The following SIGLEC1 variants were observed in gnomAD, a reference collection of about 807,000 sequenced individuals.
The protein encoded by SIGLEC1 is sialoadhesin.
In SIGLEC1, 132 loss-of-function variants were observed where a neutral mutation model predicts 148.0. The observed-to-expected ratio is 0.89, with a 90% CI of 0.77 to 1.03. The LOEUF (loss-of-function observed/expected upper bound fraction) is 1.03, where lower values mean the gene tolerates loss of function less well. SIGLEC1 is among the 50% of genes least tolerant of loss of function. The probability of loss-of-function intolerance (pLI) is 0.00; values close to 1 mark genes in which losing one functional copy is unlikely to be tolerated. For synonymous variants in SIGLEC1, 945 were observed against 969.0 expected (o/e 0.98, Z 0.46); for missense variants, 2,253 against 2,271.4 (o/e 0.99, Z 0.16).
Position 3,692,996 on chromosome 20 carries a change from G to A in SIGLEC1, c.3644C>T (p.Ser1215Leu), listed in dbSNP as rs146007898. 1.3e-3 allele frequency: 2,085 copies of A among 1,612,308 alleles called. 3 individuals carry two copies. The highest frequency in any genetic ancestry group is 1.6e-3 in the Non-Finnish European group (1,869 of 1,179,802). ...GGTGTTGGGGACAGAGGCTGCTGTC[G>A]AGGAGGCCAAGAGGCGACCGGCGTG... ...LSHAGRLLAS[S>L]TAASVPNTLR... Residue 1215 changes from serine (S) to leucine (L), a missense_variant, in exon 15 of 22, where the codon TCG becomes TTG. Transcript: ENST00000344754.
chr20:3,694,081 G>A (rs763608722), intron 13 of SIGLEC1, 140 bp downstream of exon 13: 22 of 919,798 alleles, frequency 2.4e-5, no homozygotes, highest in Non-Finnish European at 3.2e-5. Context: ...CTCAAGTCTG[G>A]AGTCCACCAT....
chr20:3,695,670 T>G (rs943603956), intron 11 of SIGLEC1, among the ~76,000 whole-genome samples: 7 of 152,146 alleles, frequency 4.6e-5, no homozygotes, highest in African/African-American at 1.7e-4. Context: ...GTATGCTAAG[T>G]AAGAAAAGAT....
chr20:3,688,107 A>T lies in SIGLEC1; in HGVS notation c.*453T>A, dbSNP rs998759382. The T allele has an allele frequency of 1.1e-5, 2 of 189,680 alleles. No individual in the cohort carries two copies. Among genetic ancestry groups the T allele is most frequent in the Non-Finnish European group, 2.2e-5 (2 of 90,750 alleles). The allele number at this position is 189,680 out of a possible 1,614,324, so 11.7% of individuals were successfully genotyped here. ...AGACTAGCGTGGGAGAGAAAAATAA[A>T]ATTCTATCATGTTGAAGTCACTGTA... On this transcript the variant is annotated 3_prime_UTR_variant, in exon 22 of 22. Transcript: ENST00000344754.
Position 3,704,079 on chromosome 20 carries a change from C to T in SIGLEC1, c.719G>A (p.Gly240Asp). The change falls in exon 5 of 22, where the codon GGT (glycine) becomes GAT (aspartate). Residue 240 changes from glycine (G) to aspartate (D), a missense_variant. Gly to Asp is a moderately conservative substitution (Grantham distance 94). Coordinates refer to ENST00000344754, the MANE Select transcript of SIGLEC1 (RefSeq NM_023068.4). ...CGAGGGGCTGAGGAGGATCTTCACA[C>T]CCTTGGGGGCATCTGCAAGTCACAG... ...IHLQVKYAPK[G>D]VKILLSPSGR... 1 of 1,612,474 alleles carries T rather than the reference C, an allele frequency of 6.2e-7. No individual in the cohort carries two copies. Among genetic ancestry groups the T allele is most frequent in the South Asian group, 1.1e-5 (1 of 90,992 alleles).
At chr20:3,701,273 A>G in intron 7 of SIGLEC1, 69 bp downstream of exon 7, 6 of 1,400,522 alleles carry the variant, frequency 4.3e-6, no homozygotes, top group Non-Finnish European at 5.8e-6. Context: ...GACTTCTAGA[A>G]GGAACAGACT....
Position 3,688,627 on chromosome 20 carries a change from C to A in SIGLEC1, c.5071-8G>T. The A allele has an allele frequency of 6.3e-7, 1 of 1,589,196 alleles. No homozygotes were observed. The highest frequency in any genetic ancestry group is 8.6e-7 in the Non-Finnish European group (1 of 1,167,042). ...TGCATCAGGATCAATGAGCTTCCCACAGAGAAAACCCTGGTCACAGGAGGC... is the reference window on the plus strand; with the variant it reads ...TGCATCAGGATCAATGAGCTTCCCAAAGAGAAAACCCTGGTCACAGGAGGC... On this transcript the variant is annotated splice_region_variant and splice_polypyrimidine_tract_variant and intron_variant, in intron 21 of 21. Transcript: ENST00000344754.
chr20:3,707,811 C>A (rs188320205), intron 1 of SIGLEC1, among the ~76,000 whole-genome samples: 1 of 151,884 alleles, frequency 6.6e-6, no homozygotes, highest in Non-Finnish European at 1.5e-5. Context: ...GGGGGCAGTT[C>A]TGTCTGCTCA....
At chr20:3,708,711 A>C (rs2087912325) in intron 1 of SIGLEC1, among the ~76,000 whole-genome samples, 1 of 152,066 alleles carries the variant, frequency 6.6e-6, no homozygotes. Context: ...TGATTGCACC[A>C]CTGCACTCCA....
At chr20:3,704,901 G>GT (rs1159300352) in intron 4 of SIGLEC1, among the ~76,000 whole-genome samples, 3 of 152,240 alleles carry the variant, frequency 2.0e-5, no homozygotes, top group Non-Finnish European at 4.4e-5. Context: ...TGGGGTTACA[G>GT]GTGTGAGCCA....
In SIGLEC1 at chr20:3,696,686, T is replaced by C. The variant is rs1054103607; in HGVS notation, c.2583A>G (p.Leu861=). The change falls in exon 11 of 22, where the codon TTA becomes TTG. Residue 861 remains leucine, a synonymous_variant. Transcript: ENST00000344754. ...CCCCAAGGCCCAGTTCTCGGACCTC[T>C]AACTTCAGGGAGTTGGCCTCAGCTT... is the stretch of plus-strand genomic sequence containing the variant. ...QAKAEANSLK[L]EVRELGLGDS... The C allele has an allele frequency of 1.2e-6, 2 of 1,613,824 alleles. No individual in the cohort carries two copies. The highest frequency in any genetic ancestry group is 1.7e-6 in the Non-Finnish European group (2 of 1,180,014).
Position 3,689,706 on chromosome 20 carries a change from G to A in SIGLEC1, c.4895-4C>T. On this transcript the variant is annotated splice_polypyrimidine_tract_variant and splice_region_variant and intron_variant, in intron 19 of 21. Coordinates refer to ENST00000344754, the MANE Select transcript of SIGLEC1 (RefSeq NM_023068.4). ...AACTGATGCAGGCGGTGCAGGGCTG[G>A]AACACAGAGCGGGACTCAGAGCAGC... 2 of 1,568,602 alleles carry A rather than the reference G, an allele frequency of 1.3e-6. No homozygotes were observed. The highest frequency in any genetic ancestry group is 1.7e-6 in the Non-Finnish European group (2 of 1,156,942).
chr20:3,691,309 G>C (rs767456121), intron 18 of SIGLEC1, 31 bp downstream of exon 18: 1 of 1,610,874 alleles, frequency 6.2e-7, no homozygotes, highest in Non-Finnish European at 8.5e-7. Context: ...GATGTGGGGA[G>C]ACTAAGGCGG....
chr20:3,701,164 T>A (rs2087847785), intron 7 of SIGLEC1, among the ~76,000 whole-genome samples, 178 bp downstream of exon 7: 1 of 152,222 alleles, frequency 6.6e-6, no homozygotes, highest in South Asian at 2.1e-4. Context: ...TTTCCCTTTT[T>A]CCCTTGACTT....
rs774878376 is a variant in SIGLEC1, at chr20:3,693,114, G to A, written c.3526C>T (p.Arg1176Cys). The change falls in exon 15 of 22, where the codon CGC (arginine) becomes TGC (cysteine). Residue 1176 changes from arginine (R) to cysteine (C), a missense_variant. Arg to Cys is a radical substitution (Grantham distance 180). Coordinates refer to ENST00000344754, the MANE Select transcript of SIGLEC1 (RefSeq NM_023068.4). Reference sequence around the variant, plus strand: ...TGGCTCTCCAGGAGGTAGGTCAGGCGCAGGTTGCGGGGCGCGTCTGCAGGG... The same window carrying A: ...TGGCTCTCCAGGAGGTAGGTCAGGCACAGGTTGCGGGGCGCGTCTGCAGGG... Reference protein sequence around the residue: ...LDVLYAPRNLRLTYLLESHGG... With the variant: ...LDVLYAPRNLCLTYLLESHGG... 60 of 1,572,312 alleles carry A rather than the reference G, an allele frequency of 3.8e-5. No individual in the cohort carries two copies. The highest frequency in any genetic ancestry group is 4.5e-5 in the Non-Finnish European group (52 of 1,163,512).
At chr20:3,692,485 C>G (rs1390923825) in intron 16 of SIGLEC1, 36 bp downstream of exon 16, 1 of 1,550,310 alleles carries the variant, frequency 6.5e-7, no homozygotes, top group East Asian at 2.4e-5. Flanking sequence ...CACCACCCTC[C>G]TCCTGGGCAG....
chr20:3,712,202 G>C (rs2087932358), intron 1 of SIGLEC1, among the ~76,000 whole-genome samples: 1 of 152,132 alleles, frequency 6.6e-6, no homozygotes, highest in Admixed American at 6.5e-5. Context: ...TAGGGGCTGG[G>C]GCTGGGGCTG....
chr20:3,696,702 G>A lies in SIGLEC1; in HGVS notation c.2567C>T (p.Ala856Val). The A allele has an allele frequency of 6.2e-7, 1 of 1,613,780 alleles. No individual in the cohort carries two copies. Among genetic ancestry groups the A allele is most frequent in the Non-Finnish European group, 8.5e-7 (1 of 1,180,010 alleles). ...TCGGACCTCTAACTTCAGGGAGTTG[G>A]CCTCAGCTTTAGCCTGGAACCGACC... is the stretch of plus-strand genomic sequence containing the variant. ...SHGRFQAKAE[A>V]NSLKLEVREL... Residue 856 changes from alanine (A) to valine (V), a missense_variant, in exon 11 of 22, where the codon GCC becomes GTC. Ala to Val is a moderately conservative substitution (Grantham distance 64). Transcript: ENST00000344754.
chr20:3,704,238 GCT>G (rs939065359), intron 4 of SIGLEC1, 147 bp from the exon 5 acceptor site: 24 of 750,918 alleles, frequency 3.2e-5, no homozygotes, highest in Non-Finnish European at 4.3e-5. Flanking sequence ...CCCAGGGCAT[GCT>G]CTGTCTGCCC....
rs2087920790 is a variant in SIGLEC1 at position 3,710,214 on chromosome 20, G to T, written c.-110+2256C>A. Among the ~76,000 whole-genome samples, 1 of 152,120 alleles carries T rather than the reference G, an allele frequency of 6.6e-6. No individual in the cohort carries two copies. Among genetic ancestry groups the T allele is most frequent in the South Asian group, 2.1e-4 (1 of 4,834 alleles). ...TCCGCCTCAGGGGCTGGGCTCAGCA[G>T]ATTCCAATGACTACCAGGGGTCACA... On this transcript the variant is annotated intron_variant, in intron 1 of 21. Coordinates refer to ENST00000344754, the MANE Select transcript of SIGLEC1 (RefSeq NM_023068.4). This position sits in a 1 kb window ranked among gnomAD's most constrained non-coding sequence, Gnocchi z 4.6.
Sources: allele counts gnomAD v4.1 joint callset (sites outside exome capture counted in the v4.1 genomes callset), GRCh38; gene constraint gnomAD v4.1.1; non-coding constraint Gnocchi (gnomAD v3.1); transcripts MANE v1.5; gene names NCBI Gene and HGNC (gene_info 2026-07-23, HGNC 2026-07-21).